FRRS1L: variants seen among roughly 807,000 people sequenced by gnomAD.
FRRS1L encodes ferric chelate reductase 1 like, also known as DOMON domain-containing protein FRRS1L.
FRRS1L carries 22 observed loss-of-function variants against 28.6 expected under a neutral mutation model. The observed-to-expected ratio is 0.77, with a 90% CI of 0.55 to 1.10. The LOEUF (loss-of-function observed/expected upper bound fraction) is 1.10. Among genes scored for constraint, FRRS1L ranks in the 50% least tolerant of loss-of-function variants. The pLI is 0.00. For missense variants in FRRS1L, 380 were observed against 386.9 expected (o/e 0.98, Z 0.15); for synonymous variants, 158 against 151.4 (o/e 1.04, Z -0.32).
chr9:109,156,411 T>C (rs1275842800), intron 1 of FRRS1L, among the ~76,000 whole-genome samples: 2 of 152,114 alleles, frequency 1.3e-5, no homozygotes, highest in Non-Finnish European at 2.9e-5. Flanking sequence ...TTTTTTGAGA[T>C]GGAGTCTCAC....
chr9:109,144,886 T>C (rs2118477371), intron 3 of FRRS1L, among the ~76,000 whole-genome samples: 1 of 152,274 alleles, frequency 6.6e-6, no homozygotes, highest in Non-Finnish European at 1.5e-5. Context: ...GGTTTCACTA[T>C]GTTGGCCAGG....
Position 109,134,050 on chromosome 9 carries a change from T to A in FRRS1L, c.*3405A>T, listed in dbSNP as rs1831085744. On this transcript the variant is annotated 3_prime_UTR_variant, in exon 5 of 5. Coordinates refer to ENST00000561981, the MANE Select transcript of FRRS1L (RefSeq NM_014334.4). ...TACTAAGGATGTTTCTATTTATGTT[T>A]CAAAAGACAAAGTTCAGTGTTTGCT... 6.6e-6 allele frequency: 1 copy of A among 152,204 alleles called. No individual in the cohort carries two copies. Among genetic ancestry groups the A allele is most frequent in the South Asian group, 2.1e-4 (1 of 4,830 alleles). 9.4% of individuals were successfully genotyped at this position (152,204 alleles called of 1,614,324 possible).
intron 1 of FRRS1L, among the ~76,000 whole-genome samples, chr9:109,160,361 T>C (rs959962089): frequency 6.6e-6 from 1 of 152,158 alleles, no homozygotes; most frequent in African/African-American, 2.4e-5. Flanking sequence ...CCTAAGTTTC[T>C]CCCTTTCCCC....
At chr9:109,149,440 G>A (rs547983534) in intron 2 of FRRS1L, among the ~76,000 whole-genome samples, 196 bp downstream of exon 2, 94 of 152,240 alleles carry the variant, frequency 6.2e-4, no homozygotes, top group African/African-American at 2.1e-3. Context: ...GAATGGTCCC[G>A]GGCCCAGGAC....
At chr9:109,140,619 T>C (rs1831167045) in intron 4 of FRRS1L, 1 of 152,158 alleles carries the variant, frequency 6.6e-6, no homozygotes, top group South Asian at 2.1e-4. Flanking sequence ...AACAGAATAG[T>C]CACAAAGTGG....
chr9:109,140,581 T>A (rs998036053), intron 4 of FRRS1L: 4 of 152,202 alleles, frequency 2.6e-5, no homozygotes, highest in Non-Finnish European at 5.9e-5. Flanking sequence ...TGGGTTAAAC[T>A]ATGGGATAAT....
Position 109,147,131 on chromosome 9 carries a change from T to C in FRRS1L, c.382A>G (p.Ile128Val). The change falls in exon 3 of 5, where the codon ATA becomes GTA. Residue 128 changes from isoleucine (I) to valine (V), a missense_variant. Ile to Val is a conservative substitution (Grantham distance 29). Coordinates refer to ENST00000561981, the MANE Select transcript of FRRS1L (RefSeq NM_014334.4). The stretch of plus-strand genomic sequence containing the variant: ...AGCTCAAATTCTACATCAGCCCCTA[T>C]CATCCGGTAGCTGAGGAAATAGTCA... ...TCDYFLSYRM[I>V]GADVEFELSA... The C allele has an allele frequency of 6.2e-7, 1 of 1,613,010 alleles. No homozygotes were observed. Among genetic ancestry groups the C allele is most frequent in the Non-Finnish European group, 8.5e-7 (1 of 1,178,962 alleles).
intron 1 of FRRS1L, among the ~76,000 whole-genome samples, chr9:109,153,446 G>A (rs146310470): frequency 6.6e-5 from 10 of 152,304 alleles, no homozygotes; most frequent in Non-Finnish European, 1.0e-4. Context: ...ATAATCCCAC[G>A]AGGAGAAGGC....
chr9:109,130,761 G>C lies in FRRS1L; in HGVS notation c.*6694C>G, dbSNP rs1831048496. The C allele has an allele frequency of 6.6e-6, 1 of 152,220 alleles. No individual in the cohort carries two copies. The highest frequency in any genetic ancestry group is 1.5e-5 in the Non-Finnish European group (1 of 68,042). The allele number at this position is 152,220 out of a possible 1,614,324, so 9.4% of individuals were successfully genotyped here. On this transcript the variant is annotated 3_prime_UTR_variant, in exon 5 of 5. Coordinates refer to ENST00000561981, the MANE Select transcript of FRRS1L (RefSeq NM_014334.4). The stretch of plus-strand genomic sequence containing the variant: ...CATGTCTGTGGAAATAAGGCATCCG[G>C]AGAAGCTGCATTCACTCTTCCCCAT...
chr9:109,141,070 A>G, intron 4 of FRRS1L: 2 of 498,262 alleles, frequency 4.0e-6, no homozygotes, highest in Admixed American at 3.2e-5. Flanking sequence ...CAGCAGATAC[A>G]TGATCTGTTT....
At chr9:109,165,608 C>T (rs1831538959) in intron 1 of FRRS1L, among the ~76,000 whole-genome samples, 1 of 152,250 alleles carries the variant, frequency 6.6e-6, no homozygotes, top group Non-Finnish European at 1.5e-5. Context: ...TCCATTCTCT[C>T]CATCTTCTTT....
intron 1 of FRRS1L, among the ~76,000 whole-genome samples, chr9:109,164,760 T>C (rs149396968): frequency 4.3e-4 from 65 of 152,214 alleles, no homozygotes; most frequent in Non-Finnish European, 8.7e-4. Flanking sequence ...GTTAAACCAG[T>C]TTTATGTGCA....
intron 1 of FRRS1L, among the ~76,000 whole-genome samples, chr9:109,155,282 T>C (rs1167972142): frequency 6.6e-6 from 1 of 152,226 alleles, no homozygotes; most frequent in African/African-American, 2.4e-5. Context: ...GTGCAGTACA[T>C]CTCATTCTGT....
chr9:109,142,920 T>C (rs970284752), intron 3 of FRRS1L, among the ~76,000 whole-genome samples: 1 of 152,232 alleles, frequency 6.6e-6, no homozygotes, highest in African/African-American at 2.4e-5. Flanking sequence ...TAAGTAGCTG[T>C]AGTCCCAGCT....
Position 109,147,204 on chromosome 9 carries a change from G to A in FRRS1L, c.324-15C>T, listed in dbSNP as rs371787706. 21 of 1,606,406 alleles carry A rather than the reference G, an allele frequency of 1.3e-5. No homozygotes were observed. The highest frequency in any genetic ancestry group is 2.2e-5 in the South Asian group (2 of 90,650). On this transcript the variant is annotated splice_polypyrimidine_tract_variant and intron_variant, in intron 2 of 4. Coordinates refer to ENST00000561981, the MANE Select transcript of FRRS1L (RefSeq NM_014334.4). ...GTTTGCCATATCTAGAAGAGATATC[G>A]AAAGAGACTTTACTGCTTCTACTTA... is the stretch of plus-strand genomic sequence containing the variant.
At chr9:109,147,271 G>A in intron 2 of FRRS1L, 82 bp from the exon 3 acceptor site, 1 of 1,150,796 alleles carries the variant, frequency 8.7e-7, no homozygotes, top group Non-Finnish European at 1.3e-6. Flanking sequence ...TATCATGTGG[G>A]ATGCTAAGCA....
At chr9:109,152,384 G>A (rs188890883) in intron 1 of FRRS1L, among the ~76,000 whole-genome samples, 9,394 of 151,900 alleles carry the variant, frequency 0.062, 360 homozygotes, top group African/African-American at 0.088. Flanking sequence ...TGCTGACCTC[G>A]TGATCCGCCT....
In FRRS1L at chr9:109,167,232, A is replaced by T. The variant is rs764458795; in HGVS notation, c.-94T>A. ...CTGAGCCTCCGCCGAGGCCACCAGC[A>T]CGCGCCCGCGCAGCCGCGGAGCCTC... On this transcript the variant is annotated 5_prime_UTR_variant, in exon 1 of 5. Coordinates refer to ENST00000561981, the MANE Select transcript of FRRS1L (RefSeq NM_014334.4). 8 of 1,371,686 alleles carry T rather than the reference A, an allele frequency of 5.8e-6. No homozygotes were observed. The Admixed American group carries it at 1.6e-4, about 28-fold the overall frequency. The allele number at this position is 1,371,686 out of a possible 1,614,324, so 85.0% of individuals were successfully genotyped here.
intron 1 of FRRS1L, among the ~76,000 whole-genome samples, chr9:109,158,639 G>A (rs550740840): frequency 6.6e-6 from 1 of 152,112 alleles, no homozygotes; most frequent in Non-Finnish European, 1.5e-5. Flanking sequence ...TATTTTCAAG[G>A]TTCATTACAT....
Sources: gnomAD v4.1 joint callset for allele counts (sites outside exome capture counted in the v4.1 genomes callset) on GRCh38, gnomAD v4.1.1 for gene constraint, MANE v1.5 for transcripts, NCBI Gene and HGNC (gene_info 2026-07-23, HGNC 2026-07-21) for gene names.